Variants in DMC1 observed in about 807,000 individuals in gnomAD.
DMC1 encodes the protein DNA meiotic recombinase 1, also known as meiotic recombination protein DMC1 homolog.
In DMC1, 27 loss-of-function variants were observed where a neutral mutation model predicts 50.1. That is an observed-to-expected ratio of 0.54 (90% CI 0.40 to 0.74). The LOEUF (loss-of-function observed/expected upper bound fraction) is 0.74, where lower values mean the gene tolerates loss of function less well. Among genes scored for constraint, DMC1 ranks in the 30% least tolerant of loss-of-function variants. The pLI, the probability that DMC1 is intolerant of heterozygous loss-of-function variation, is 0.00. For synonymous variants in DMC1, 148 were observed against 136.1 expected (o/e 1.09, Z -0.61); for missense variants, 295 against 420.2 (o/e 0.70, Z 2.60).
intron 12 of DMC1, among the ~76,000 whole-genome samples, chr22:38,526,011 T>TA (rs999719220): frequency 6.6e-6 from 1 of 151,926 alleles, no homozygotes; most frequent in Non-Finnish European, 1.5e-5. Flanking sequence ...ATTATGGGGA[T>TA]AAAAAAGTCT....
In DMC1 at chr22:38,546,676, CAAG is replaced by C. The variant is rs1224986981; in HGVS notation, c.494+3246_494+3248del. ...TTAGATAGTAAATTCTATAATAGGTCAAGAAGGACAAGATTTTCTAAATTGAGT... is the reference window on the plus strand; with the variant it reads ...TTAGATAGTAAATTCTATAATAGGTCAAGGACAAGATTTTCTAAATTGAGT... On this transcript the variant is annotated intron_variant, in intron 8 of 13. Transcript: ENST00000216024. Among the ~76,000 whole-genome samples, 5 of 152,104 alleles carry C rather than the reference CAAG, an allele frequency of 3.3e-5. No individual in the cohort carries two copies. The East Asian group carries it at 7.7e-4, about 24-fold the overall frequency.
rs766623498 is a variant in DMC1 at position 38,560,420 on chromosome 22, G to GAGAGGGGGAATCATCAGGGTGTTA, written c.326+1843_326+1866dup. 7.6e-3 allele frequency among the ~76,000 whole-genome samples: 1,163 copies of GAGAGGGGGAATCATCAGGGTGTTA among 152,122 alleles called. 6 individuals carry two copies. The highest frequency in any genetic ancestry group is 0.012 in the Non-Finnish European group (821 of 67,988). ...GAGGACTTTGGCTTCTTTTCTGAGTGAGAGGGGGAATCATCAGGGTGTTAT... is the reference window on the plus strand; with the variant it reads ...GAGGACTTTGGCTTCTTTTCTGAGTGAGAGGGGGAATCATCAGGGTGTTAAGAGGGGGAATCATCAGGGTGTTAT... On this transcript the variant is annotated intron_variant, in intron 5 of 13. Coordinates refer to ENST00000216024, the MANE Select transcript of DMC1 (RefSeq NM_007068.4).
intron 5 of DMC1, among the ~76,000 whole-genome samples, chr22:38,560,828 T>A (rs961464745): frequency 6.6e-6 from 1 of 152,180 alleles, no homozygotes; most frequent in African/African-American, 2.4e-5. Context: ...TAAATCTTTT[T>A]TCATATAGAC....
chr22:38,518,117 C>T (rs748579270), downstream of DMC1, among the ~76,000 whole-genome samples: 2 of 152,048 alleles, frequency 1.3e-5, no homozygotes, highest in East Asian at 1.9e-4. Context: ...GGATTACAGA[C>T]GTGCGTCATC....
chr22:38,563,160 G>A (rs1264383588), intron 4 of DMC1, among the ~76,000 whole-genome samples: 1 of 152,170 alleles, frequency 6.6e-6, no homozygotes, highest in Admixed American at 6.5e-5. Flanking sequence ...TCCAGCTGTA[G>A]AAGTTTCAAG....
At chr22:38,523,471 C>A (rs1263161897) in intron 12 of DMC1, among the ~76,000 whole-genome samples, 1 of 152,194 alleles carries the variant, frequency 6.6e-6, no homozygotes, top group African/African-American at 2.4e-5. Context: ...CCTGCAAACA[C>A]TGTATTTATG....
chr22:38,511,345 G>A, the DMC1 span, among the ~76,000 whole-genome samples: 703 of 152,228 alleles, frequency 4.6e-3, 7 homozygotes, highest in African/African-American at 0.016. Flanking sequence ...TTGGGAGGCC[G>A]AGGCGGGAGG....
Position 38,526,901 on chromosome 22 carries a change from G to T in DMC1, c.837-5177C>A, listed in dbSNP as rs150024354. 4.8e-3 allele frequency among the ~76,000 whole-genome samples: 728 copies of T among 152,222 alleles called. 8 individuals are homozygous for T. Among genetic ancestry groups the T allele is most frequent in the African/African-American group, 0.017 (695 of 41,534 alleles). ...AACTGGCCGTCTGGTTCTTCATTCA[G>T]TCTCATGAGCTTGATTAATGTGTGT... On this transcript the variant is annotated intron_variant, in intron 12 of 13. Coordinates refer to ENST00000216024, the MANE Select transcript of DMC1 (RefSeq NM_007068.4).
chr22:38,515,514 A>G (rs904606047), downstream of DMC1, among the ~76,000 whole-genome samples: 2 of 150,258 alleles, frequency 1.3e-5, no homozygotes, highest in African/African-American at 4.9e-5. Flanking sequence ...GGAAAAAGAA[A>G]GTAGCAGGGC....
chr22:38,530,636 A>C (rs760846444), intron 12 of DMC1, among the ~76,000 whole-genome samples: 3 of 152,192 alleles, frequency 2.0e-5, no homozygotes, highest in Non-Finnish European at 2.9e-5. Flanking sequence ...ATAAACATAA[A>C]TTAATTTTGA....
intron 4 of DMC1, among the ~76,000 whole-genome samples, chr22:38,563,388 A>C (rs773179835): frequency 3.9e-5 from 6 of 152,196 alleles, no homozygotes; most frequent in Non-Finnish European, 8.8e-5. Flanking sequence ...AGCCAAGCCC[A>C]GGTCCTATCC....
chr22:38,557,099 G>A (rs2090475862), intron 5 of DMC1, among the ~76,000 whole-genome samples: 2 of 152,172 alleles, frequency 1.3e-5, no homozygotes, highest in African/African-American at 4.8e-5. Flanking sequence ...GTAAACGTGT[G>A]CCATGGTGGT....
At chr22:38,514,017 T>C (rs750084054), downstream of DMC1, among the ~76,000 whole-genome samples, 6 of 152,154 alleles carry the variant, frequency 3.9e-5, no homozygotes, top group Non-Finnish European at 8.8e-5. Context: ...GAGCAGGAGA[T>C]GGAGGCAGCA....
chr22:38,524,472 A>G (rs1283203541), intron 12 of DMC1, among the ~76,000 whole-genome samples: 1 of 152,050 alleles, frequency 6.6e-6, no homozygotes, highest in Non-Finnish European at 1.5e-5. Context: ...AAAAAAGAAA[A>G]TAAGGGCTCT....
At chr22:38,529,239 G>A (rs2090129583) in intron 12 of DMC1, among the ~76,000 whole-genome samples, 1 of 152,042 alleles carries the variant, frequency 6.6e-6, no homozygotes, top group Non-Finnish European at 1.5e-5. Flanking sequence ...TTGAACTCCT[G>A]ACCTCATGAT....
intron 8 of DMC1, among the ~76,000 whole-genome samples, chr22:38,542,924 G>T (rs889801986): frequency 6.6e-6 from 1 of 152,226 alleles, no homozygotes; most frequent in East Asian, 1.9e-4. Flanking sequence ...ACTCATTTTC[G>T]ACAAAGGTGC....
At chr22:38,549,114 T>C (rs2090375923) in intron 8 of DMC1, among the ~76,000 whole-genome samples, 1 of 152,218 alleles carries the variant, frequency 6.6e-6, no homozygotes, top group Admixed American at 6.5e-5. Flanking sequence ...GCCTAGAATA[T>C]TGCTAAAGTA....
At chr22:38,564,590 C>CGTAA (rs1487647645) in intron 4 of DMC1, among the ~76,000 whole-genome samples, 8 of 152,116 alleles carry the variant, frequency 5.3e-5, no homozygotes, top group Non-Finnish European at 1.2e-4. Flanking sequence ...GGATTACAGG[C>CGTAA]GTAAGCCACT....
chr22:38,536,758 A>C (rs1307948686), intron 12 of DMC1, among the ~76,000 whole-genome samples: 2 of 152,196 alleles, frequency 1.3e-5, no homozygotes, highest in African/African-American at 4.8e-5. Context: ...GAAAATGGTT[A>C]AAGTATTGCT....
Sources: allele counts gnomAD v4.1 joint callset (sites outside exome capture counted in the v4.1 genomes callset), GRCh38; gene constraint gnomAD v4.1.1; transcripts MANE v1.5; gene names NCBI Gene and HGNC (gene_info 2026-07-23, HGNC 2026-07-21).